Variants in RANGAP1 observed in about 807,000 individuals in gnomAD.
The protein encoded by RANGAP1 is ran GTPase-activating protein 1.
A neutral mutation model predicts 63.5 loss-of-function variants in RANGAP1; 38 were observed. The observed-to-expected ratio is 0.60, with a 90% CI of 0.46 to 0.78. The LOEUF is 0.78. Ranked by LOEUF, RANGAP1 falls within the 30% of genes least tolerant of loss-of-function variation. The pLI is 0.00. For synonymous variants in RANGAP1, 329 were observed against 310.5 expected (o/e 1.06, Z -0.63); for missense variants, 630 against 740.3 (o/e 0.85, Z 1.73).
chr22:41,294,597 A>G, the RANGAP1 span, among the ~76,000 whole-genome samples: 1 of 132,536 alleles, frequency 7.5e-6, no homozygotes. Context: ...CATCCCATCT[A>G]GGAAGTGAGG....
At chr22:41,285,448 G>A (rs1420184965) in intron 1 of RANGAP1, 2 of 944,604 alleles carry the variant, frequency 2.1e-6, no homozygotes, top group African/African-American at 1.8e-5. Context: ...AAAAGCAAAG[G>A]GCTAATAGAG....
the RANGAP1 span, among the ~76,000 whole-genome samples, chr22:41,291,380 G>A: frequency 1.3e-5 from 2 of 151,894 alleles, no homozygotes; most frequent in African/African-American, 4.8e-5. Flanking sequence ...GGCAGATCAC[G>A]AGGTCAGGAG....
chr22:41,264,293 C>T (rs1219805193), intron 5 of RANGAP1, among the ~76,000 whole-genome samples: 10 of 152,170 alleles, frequency 6.6e-5, no homozygotes, highest in Non-Finnish European at 1.5e-4. Context: ...ACGGTGCCCC[C>T]CCTGAGCATA....
At chr22:41,254,533 A>G (rs760576152) in intron 10 of RANGAP1, 39 bp from the exon 11 acceptor site, 3 of 1,544,752 alleles carry the variant, frequency 1.9e-6, no homozygotes, top group Non-Finnish European at 2.6e-6. Flanking sequence ...CTCTCTACCC[A>G]GCAGCCCAGG....
chr22:41,265,757 A>G (rs1442282787), intron 4 of RANGAP1, among the ~76,000 whole-genome samples: 6 of 152,188 alleles, frequency 3.9e-5, no homozygotes, highest in African/African-American at 7.2e-5. Flanking sequence ...AATGGGGCTG[A>G]GCAGGTGGTC....
At chr22:41,273,766 CAA>C (rs71200678) in intron 3 of RANGAP1, among the ~76,000 whole-genome samples, 9 of 24,358 alleles carry the variant, frequency 3.7e-4, no homozygotes, top group African/African-American at 1.1e-3. Context: ...GACTCCATCT[CAA>C]AAAAAAAAAA....
chr22:41,254,244 A>C, intron 11 of RANGAP1, 64 bp downstream of exon 11: 1 of 1,591,968 alleles, frequency 6.3e-7, no homozygotes. Flanking sequence ...CCATTGTGAA[A>C]GTGCCTCGGG....
At chr22:41,262,597 A>G (rs139517) in intron 5 of RANGAP1, among the ~76,000 whole-genome samples, 116,324 of 152,130 alleles carry the variant, frequency 0.76, 44,580 homozygotes, top group Admixed American at 0.81. Flanking sequence ...GCACACAGCC[A>G]TCCTTGAGGA....
At chr22:41,279,275 G>A (rs2035345466) in intron 2 of RANGAP1, among the ~76,000 whole-genome samples, 1 of 152,160 alleles carries the variant, frequency 6.6e-6, no homozygotes, top group Admixed American at 6.5e-5. Context: ...TTCTAGACCA[G>A]CCTGTCCAAC....
At chr22:41,258,410 C>T (rs1005058778) in intron 6 of RANGAP1, among the ~76,000 whole-genome samples, 2 of 152,246 alleles carry the variant, frequency 1.3e-5, no homozygotes, top group African/African-American at 4.8e-5. Flanking sequence ...GTCTGGTGTC[C>T]TCAGCACAGT....
chr22:41,299,676 G>A, the RANGAP1 span, among the ~76,000 whole-genome samples: 9 of 152,198 alleles, frequency 5.9e-5, no homozygotes, highest in African/African-American at 1.9e-4. Flanking sequence ...GGGACATAGA[G>A]CACACTGTGA....
the RANGAP1 span, among the ~76,000 whole-genome samples, chr22:41,300,957 C>G: frequency 1.3e-5 from 2 of 152,138 alleles, no homozygotes; most frequent in African/African-American, 4.8e-5. Flanking sequence ...CATAAATTCC[C>G]AGTTGCCCAT....
the RANGAP1 span, among the ~76,000 whole-genome samples, chr22:41,293,316 G>A: frequency 2.0e-5 from 3 of 152,106 alleles, no homozygotes; most frequent in South Asian, 2.1e-4. Context: ...GGAGACTGAC[G>A]GGGTAGGATT....
At chr22:41,281,710 A>C in intron 1 of RANGAP1, 1 of 893,804 alleles carries the variant, frequency 1.1e-6, no homozygotes, top group Non-Finnish European at 1.3e-6. Context: ...TACCATCATA[A>C]TAGGACAGGG....
chr22:41,263,559 A>G (rs2145753302), intron 5 of RANGAP1, among the ~76,000 whole-genome samples: 1 of 152,134 alleles, frequency 6.6e-6, no homozygotes, highest in East Asian at 1.9e-4. Flanking sequence ...TAATTTTTGT[A>G]TTTTTAGTAG....
chr22:41,278,117 A>G (rs918694885), intron 2 of RANGAP1, among the ~76,000 whole-genome samples: 1 of 151,086 alleles, frequency 6.6e-6, no homozygotes, highest in Non-Finnish European at 1.5e-5. Flanking sequence ...GCTCACTGCA[A>G]CCTCCGCCTC....
Position 41,286,143 on chromosome 22 carries a change from C to G in RANGAP1, c.-196G>C, listed in dbSNP as rs1369210801. On this transcript the variant is annotated 5_prime_UTR_variant, in exon 1 of 16. Transcript: ENST00000356244. ...CTAGTCTGTTAGCTCTCTCGAGCTC[C>G]CGGCCTCACGCGCTTCCAGCACCAC... The G allele has an allele frequency of 1.3e-5, 2 of 152,354 alleles. No homozygotes were observed. Among genetic ancestry groups the G allele is most frequent in the African/African-American group, 4.8e-5 (2 of 41,480 alleles). The allele number at this position is 152,354 out of a possible 1,614,324, so 9.4% of individuals were successfully genotyped here.
At chr22:41,285,453 A>C (rs1209130178) in intron 1 of RANGAP1, 1 of 959,826 alleles carries the variant, frequency 1.0e-6, no homozygotes, top group Admixed American at 6.2e-5. Flanking sequence ...CAAAGGGCTA[A>C]TAGAGAAACA....
chr22:41,291,879 C>T, the RANGAP1 span, among the ~76,000 whole-genome samples: 1 of 151,258 alleles, frequency 6.6e-6, no homozygotes, highest in African/African-American at 2.4e-5. Context: ...CCAGCCTGGG[C>T]GACAGAGCGA....
Sources: allele counts gnomAD v4.1 joint callset (sites outside exome capture counted in the v4.1 genomes callset), GRCh38; gene constraint gnomAD v4.1.1; transcripts MANE v1.5; gene names NCBI Gene and HGNC (gene_info 2026-07-23, HGNC 2026-07-21).